LEKR1: variants seen among roughly 807,000 people sequenced by gnomAD.
The protein encoded by LEKR1 is protein LEKR1.
LEKR1 carries 59 observed loss-of-function variants against 72.4 expected under a neutral mutation model. The observed-to-expected ratio is 0.82, with a 90% CI of 0.66 to 1.01. The LOEUF (loss-of-function observed/expected upper bound fraction) is 1.01. Among genes scored for constraint, LEKR1 ranks in the 50% least tolerant of loss-of-function variants. The pLI is 0.00. For missense variants in LEKR1, 728 were observed against 759.2 expected (o/e 0.96, Z 0.48); for synonymous variants, 257 against 263.2 (o/e 0.98, Z 0.23).
chr3:156,973,569 C>T (rs1053864260), intron 6 of LEKR1, among the ~76,000 whole-genome samples: 1 of 152,076 alleles, frequency 6.6e-6, no homozygotes, highest in African/African-American at 2.4e-5. Context: ...AACTGGGTCA[C>T]ATGCTGCGTA....
intron 5 of LEKR1, among the ~76,000 whole-genome samples, chr3:156,933,303 A>G (rs191304038): frequency 6.6e-6 from 1 of 151,950 alleles, no homozygotes; most frequent in African/African-American, 2.4e-5. Flanking sequence ...TGTTTTTGTT[A>G]TTTTTTGGGT....
At chr3:157,041,627 A>G (rs1477877224) in intron 12 of LEKR1, among the ~76,000 whole-genome samples, 2 of 151,188 alleles carry the variant, frequency 1.3e-5, no homozygotes, top group Non-Finnish European at 3.0e-5. Context: ...TGCCTTGAAA[A>G]CCTCATTGCC....
intron 9 of LEKR1, among the ~76,000 whole-genome samples, chr3:157,005,557 T>G (rs1732358198): frequency 6.6e-6 from 1 of 152,050 alleles, no homozygotes. Context: ...CTAAACAAAA[T>G]TTTAGCAAAT....
At position 156,834,532 on chromosome 3, in the gene LEKR1, C is replaced by G. The variant is rs143792766; in HGVS notation, c.48+5155C>G. ...GTATATAAACTTTCTCTAGTAGTCT[C>G]AATGTTAATATGTTAACTCTTAGTC... On this transcript the variant is annotated intron_variant, in intron 2 of 12. Transcript: ENST00000356539. Among the ~76,000 whole-genome samples the G allele has an allele frequency of 5.4e-3, 825 of 152,266 alleles. 5 individuals are homozygous for G. The highest frequency in any genetic ancestry group is 0.019 in the African/African-American group (798 of 41,558).
At chr3:156,997,013 C>T (rs1425568965) in intron 9 of LEKR1, among the ~76,000 whole-genome samples, 1 of 151,116 alleles carries the variant, frequency 6.6e-6, no homozygotes, top group East Asian at 1.9e-4. Context: ...TGCAGTGAGC[C>T]GAGACTGCAC....
intron 3 of LEKR1, among the ~76,000 whole-genome samples, chr3:156,905,816 C>T (rs1034598958): frequency 6.6e-6 from 1 of 152,122 alleles, no homozygotes. Context: ...AATTGGCAGT[C>T]GTATGTCAAT....
chr3:156,973,836 C>T (rs550211700), intron 6 of LEKR1, among the ~76,000 whole-genome samples: 1 of 152,124 alleles, frequency 6.6e-6, no homozygotes, highest in Admixed American at 6.6e-5. Context: ...TTGTATTCTT[C>T]ATATTGGCAA....
At chr3:156,833,332 A>G (rs940979101) in intron 2 of LEKR1, among the ~76,000 whole-genome samples, 1 of 152,182 alleles carries the variant, frequency 6.6e-6, no homozygotes, top group Non-Finnish European at 1.5e-5. Context: ...CACCTGTTAG[A>G]GTTCCATAGC....
At chr3:157,004,899 G>A (rs570698799) in intron 9 of LEKR1, among the ~76,000 whole-genome samples, 7 of 151,796 alleles carry the variant, frequency 4.6e-5, no homozygotes, top group Non-Finnish European at 1.0e-4. Flanking sequence ...AAAAACAGAC[G>A]AGGAAAAAAT....
At chr3:156,880,793 T>G (rs1168070487) in intron 3 of LEKR1, among the ~76,000 whole-genome samples, 5 of 152,190 alleles carry the variant, frequency 3.3e-5, no homozygotes, top group Non-Finnish European at 7.3e-5. Flanking sequence ...ATCAAAAAAC[T>G]TATCCACCAT....
intron 3 of LEKR1, among the ~76,000 whole-genome samples, chr3:156,879,804 G>C (rs938311685): frequency 6.6e-6 from 1 of 152,176 alleles, no homozygotes; most frequent in Non-Finnish European, 1.5e-5. Flanking sequence ...GGTACAGCTC[G>C]GGTTGTGGCT....
intron 7 of LEKR1, among the ~76,000 whole-genome samples, chr3:156,983,376 A>G (rs1180241617): frequency 3.3e-5 from 5 of 152,318 alleles, no homozygotes; most frequent in Admixed American, 6.5e-5. Flanking sequence ...TCCAATCTAC[A>G]TAAGAATCAT....
chr3:156,841,491 A>G (rs1016627486), intron 2 of LEKR1, among the ~76,000 whole-genome samples: 26 of 152,332 alleles, frequency 1.7e-4, no homozygotes, highest in African/African-American at 6.3e-4. Flanking sequence ...GGCAGTACAG[A>G]GAAGTGGGGA....
intron 5 of LEKR1, among the ~76,000 whole-genome samples, chr3:156,936,057 C>A (rs970256674): frequency 5.9e-5 from 9 of 152,130 alleles, no homozygotes; most frequent in Admixed American, 1.3e-4. Context: ...TAATCCTAAC[C>A]TGTTAATGTG....
At chr3:156,872,540 C>G (rs566604412) in intron 3 of LEKR1, among the ~76,000 whole-genome samples, 1 of 151,824 alleles carries the variant, frequency 6.6e-6, no homozygotes, top group African/African-American at 2.4e-5. Flanking sequence ...GCTAGATTAT[C>G]GATTTGAAAT....
intron 2 of LEKR1, among the ~76,000 whole-genome samples, chr3:156,842,259 A>G (rs977966499): frequency 6.6e-6 from 1 of 152,180 alleles, no homozygotes; most frequent in African/African-American, 2.4e-5. Context: ...ACTTTTTTTC[A>G]TAATAGCTTG....
chr3:156,890,431 A>C (rs970930932), intron 3 of LEKR1, among the ~76,000 whole-genome samples: 1 of 152,206 alleles, frequency 6.6e-6, no homozygotes, highest in African/African-American at 2.4e-5. Flanking sequence ...TTAAGTACGT[A>C]TAATTGATAA....
intron 3 of LEKR1, among the ~76,000 whole-genome samples, chr3:156,919,439 G>A (rs1286061741): frequency 6.6e-6 from 1 of 152,146 alleles, no homozygotes; most frequent in African/African-American, 2.4e-5. Context: ...AAACCAACTA[G>A]GTGGGAGCTT....
intron 6 of LEKR1, among the ~76,000 whole-genome samples, chr3:156,959,265 G>A (rs550713435): frequency 1.3e-5 from 2 of 152,164 alleles, no homozygotes; most frequent in South Asian, 4.1e-4. Context: ...CTTTTGTCCT[G>A]TTTTTAAGAA....
Sources: gnomAD v4.1 joint callset for allele counts (sites outside exome capture counted in the v4.1 genomes callset) on GRCh38, gnomAD v4.1.1 for gene constraint, MANE v1.5 for transcripts, NCBI Gene and HGNC (gene_info 2026-07-23, HGNC 2026-07-21) for gene names.